The following MCF2L variants were observed in gnomAD, a reference collection of about 807,000 sequenced individuals.
The protein encoded by MCF2L is MCF.2 cell line derived transforming sequence like.
MCF2L carries 97 observed loss-of-function variants against 153.4 expected under a neutral mutation model. The ratio of observed to expected loss-of-function variants is 0.63; its 90% CI spans 0.54 to 0.75. The LOEUF (loss-of-function observed/expected upper bound fraction) is 0.75, where lower values mean the gene tolerates loss of function less well. Among genes scored for constraint, MCF2L ranks in the 30% least tolerant of loss-of-function variants. MCF2L has a pLI of 0.00. For missense variants in MCF2L, 1,347 were observed against 1,495.2 expected, an observed-to-expected ratio of 0.90 and a Z score of 1.64; for synonymous variants, 659 against 632.2, an observed-to-expected ratio of 1.04 and a Z score of -0.64.
chr13:112,960,202 T>C lies in MCF2L; in HGVS notation c.170-54561T>C, dbSNP rs1305974964. On this transcript the variant is annotated intron_variant, in intron 2 of 29. Coordinates refer to the MCF2L transcript ENST00000375608. The surrounding 1 kb of genome is among the most constrained non-coding windows in gnomAD (Gnocchi z 4.2). ...GTCCTGGAGGCTTGGAAGCCCAAGA[T>C]TGAGGGGCTGCATCTGGTGAGGGCC... 3.3e-5 allele frequency among the ~76,000 whole-genome samples: 5 copies of C among 152,158 alleles called. No homozygotes were observed. Among genetic ancestry groups the C allele is most frequent in the Non-Finnish European group, 7.4e-5 (5 of 68,010 alleles).
In MCF2L at chr13:113,053,978, C is replaced by A. The variant is rs185245558; in HGVS notation, c.370-6615C>A. On this transcript the variant is annotated intron_variant, in intron 4 of 29. Transcript: ENST00000535094. This position sits in a 1 kb window ranked among gnomAD's most constrained non-coding sequence, Gnocchi z 4.4. ...CTCAGTTCACACGGCTCCGAATCGGCGAAACGCAACCAACGCTGGGCAGAA... is the reference window on the plus strand; with the variant it reads ...CTCAGTTCACACGGCTCCGAATCGGAGAAACGCAACCAACGCTGGGCAGAA... Among the ~76,000 whole-genome samples the A allele has an allele frequency of 6.6e-6, 1 of 152,134 alleles. No homozygotes were observed. The highest frequency in any genetic ancestry group is 2.4e-5 in the African/African-American group (1 of 41,414).
rs551372955 is a variant in MCF2L at position 112,994,126 on chromosome 13, C to T, written c.80-20637C>T. On this transcript the variant is annotated intron_variant, in intron 1 of 29. Coordinates refer to ENST00000535094, the MANE Select transcript of MCF2L (RefSeq NM_001112732.3). ...CCCAAGCTGACGTCACTGTCTGTGC[C>T]GGTGTCTCGGGCAGGGGCAGGTGTG... Among the ~76,000 whole-genome samples the T allele has an allele frequency of 3.3e-5, 5 of 152,204 alleles. No individual in the cohort carries two copies. In the South Asian group the frequency reaches 6.2e-4, roughly 19 times the overall value.
intron 3 of MCF2L, among the ~76,000 whole-genome samples, chr13:113,026,406 C>T (rs1308306808): frequency 6.6e-6 from 1 of 152,228 alleles, no homozygotes; most frequent in African/African-American, 2.4e-5. Flanking sequence ...AGGAGTCTGC[C>T]TCAGATCTGA....
chr13:113,087,235 G>A lies in MCF2L; in HGVS notation c.2374G>A (p.Gly792Arg). The A allele has an allele frequency of 6.2e-7, 1 of 1,610,752 alleles. No homozygotes were observed. The highest frequency in any genetic ancestry group is 8.5e-7 in the Non-Finnish European group (1 of 1,179,402). ...CACAGCCCTGCTGTCGCACATTTAG[G>A]GGAATCTCGGCGACCTGGGCAAGCT... The part of the protein sequence containing the change: ...MHLIAITGYD[G>R]NLGDLGKLLM... The change falls in exon 22 of 30, where the codon GGG becomes AGG. Residue 792 changes from glycine to arginine, a missense_variant and splice_region_variant. Gly to Arg is a moderately radical substitution (Grantham distance 125). Transcript: ENST00000535094.
intron 23 of MCF2L, 67 bp from the exon 24 acceptor site, chr13:113,088,260 T>G: frequency 7.6e-7 from 1 of 1,319,116 alleles, no homozygotes; most frequent in Non-Finnish European, 1.1e-6. Flanking sequence ...GTTCCGAGAG[T>G]GAAACCAAAG....
chr13:113,083,750 C>T (rs1271684341), intron 17 of MCF2L, among the ~76,000 whole-genome samples: 3 of 152,182 alleles, frequency 2.0e-5, no homozygotes, highest in Admixed American at 6.5e-5. Flanking sequence ...GAGGGAAAAG[C>T]AGCTCCCTCC....
At chr13:113,057,182 G>A (rs1383360839) in intron 4 of MCF2L, among the ~76,000 whole-genome samples, 2 of 148,788 alleles carry the variant, frequency 1.3e-5, no homozygotes, top group Non-Finnish European at 3.0e-5. Flanking sequence ...CTGAGTAGGT[G>A]CTGTGTGTTT....
chr13:113,009,654 T>C (rs2083950233), intron 1 of MCF2L: 1 of 152,394 alleles, frequency 6.6e-6, no homozygotes, highest in African/African-American at 2.4e-5. Context: ...GGTGTCCTTA[T>C]CTGAAGGCTG....
intron 1 of MCF2L, chr13:113,001,966 T>A: frequency 6.3e-7 from 1 of 1,591,004 alleles, no homozygotes; most frequent in Non-Finnish European, 8.5e-7. Context: ...CTGTGGCTGC[T>A]GCTGAAGGCC....
At chr13:112,953,129 A>G (rs377707434) in intron 2 of MCF2L, among the ~76,000 whole-genome samples, 1 of 152,182 alleles carries the variant, frequency 6.6e-6, no homozygotes, top group African/African-American at 2.4e-5. Flanking sequence ...CAAGAGTTAA[A>G]TAAATACAGG....
At position 112,995,199 on chromosome 13, in the gene MCF2L, C is replaced by T. The variant is rs151128447; in HGVS notation, c.80-19564C>T. On this transcript the variant is annotated intron_variant, in intron 1 of 29. Coordinates refer to ENST00000535094, the MANE Select transcript of MCF2L (RefSeq NM_001112732.3). ...TCCCCTCGTTTTACAGACTCGCTCA[C>T]GGAGGCTCAGGGCGTCTCTGAGGGC... is the stretch of plus-strand genomic sequence containing the variant. Among the ~76,000 whole-genome samples the T allele has an allele frequency of 2.3e-3, 343 of 152,322 alleles. 7 individuals are homozygous for T. Among genetic ancestry groups the T allele is most frequent in the Middle Eastern group, 0.017 (5 of 294 alleles).
chr13:113,055,576 T>C (rs1217202674), intron 4 of MCF2L, among the ~76,000 whole-genome samples: 2 of 152,080 alleles, frequency 1.3e-5, no homozygotes, highest in Non-Finnish European at 2.9e-5. Flanking sequence ...TAAATAGTGG[T>C]GTCCAATTTC....
chr13:113,003,303 G>T (rs1162270578), intron 1 of MCF2L, among the ~76,000 whole-genome samples: 1 of 151,634 alleles, frequency 6.6e-6, no homozygotes, highest in African/African-American at 2.4e-5. Context: ...GGGTGAGTAG[G>T]GGCAGGTGGC....
intron 5 of MCF2L, among the ~76,000 whole-genome samples, chr13:113,062,006 G>T (rs1201811825): frequency 6.7e-6 from 1 of 148,470 alleles, no homozygotes; most frequent in Admixed American, 6.7e-5. Context: ...CCTGGCCTGG[G>T]GCAGTAACTG....
At chr13:112,905,419 T>C (rs1225574893) in intron 2 of MCF2L, among the ~76,000 whole-genome samples, 6 of 152,062 alleles carry the variant, frequency 3.9e-5, no homozygotes, top group Non-Finnish European at 5.9e-5. Context: ...TTGTTACAGA[T>C]TGGGAATGGA....
rs564266448 is a variant in MCF2L at position 112,928,851 on chromosome 13, C to T, written c.169+26480C>T. ...ACCCTCCTTGAGAGGACTTCCCGGC[C>T]GAGGGCCTTTTCTGGCCACATACAT... On this transcript the variant is annotated intron_variant, in intron 2 of 29. Transcript: ENST00000375608. Among the ~76,000 whole-genome samples, 18 of 152,356 alleles carry T rather than the reference C, an allele frequency of 1.2e-4. No individual in the cohort carries two copies. The East Asian group carries it at 1.9e-3, about 16-fold the overall frequency.
intron 1 of MCF2L, among the ~76,000 whole-genome samples, chr13:112,971,469 G>A (rs757125950): frequency 5.3e-5 from 8 of 152,312 alleles, no homozygotes; most frequent in South Asian, 4.1e-4. Flanking sequence ...GAGGGATTGC[G>A]TACAGCGGCT....
At chr13:113,094,463 A>G in intron 26 of MCF2L, 51 bp from the exon 27 acceptor site, 1 of 1,564,774 alleles carries the variant, frequency 6.4e-7, no homozygotes, top group Non-Finnish European at 8.7e-7. Context: ...AGACAGATGC[A>G]GACAGCGGCT....
chr13:113,078,802 C>A, intron 15 of MCF2L, 63 bp downstream of exon 15: 1 of 1,407,432 alleles, frequency 7.1e-7, no homozygotes, highest in South Asian at 1.2e-5. Flanking sequence ...CCACCAGATG[C>A]CGTCAGGCAC....
Sources: allele counts gnomAD v4.1 joint callset (sites outside exome capture counted in the v4.1 genomes callset), GRCh38; gene constraint gnomAD v4.1.1; non-coding constraint Gnocchi (gnomAD v3.1); transcripts MANE v1.5; gene names NCBI Gene and HGNC (gene_info 2026-07-23, HGNC 2026-07-21).